Variants in SEZ6L observed in about 807,000 individuals in gnomAD.
The protein encoded by SEZ6L is seizure 6-like protein.
SEZ6L carries 37 observed loss-of-function variants against 106.2 expected under a neutral mutation model. That is an observed-to-expected ratio of 0.35 (90% CI 0.27 to 0.46). The LOEUF is 0.46. Among genes scored for constraint, SEZ6L ranks in the 20% least tolerant of loss-of-function variants. The probability of loss-of-function intolerance (pLI) is 1.00; values close to 1 mark genes in which losing one functional copy is unlikely to be tolerated. For synonymous variants in SEZ6L, 541 were observed against 570.4 expected (o/e 0.95, Z 0.73); for missense variants, 1,172 against 1,332.8 (o/e 0.88, Z 1.88).
At chr22:26,284,604 C>CA (rs137198) in intron 1 of SEZ6L, among the ~76,000 whole-genome samples, 7,168 of 63,836 alleles carry the variant, frequency 0.11, 1,334 homozygotes, top group East Asian at 0.4. Flanking sequence ...ATCAGGACTC[C>CA]AAAAAAAAAA....
At chr22:26,317,996 A>G (rs975003499) in intron 9 of SEZ6L, among the ~76,000 whole-genome samples, 1 of 152,118 alleles carries the variant, frequency 6.6e-6, no homozygotes, top group African/African-American at 2.4e-5. Context: ...TATGGAGGGG[A>G]GGGGTCTGCG....
chr22:26,379,993 C>G (rs757437833), intron 16 of SEZ6L, among the ~76,000 whole-genome samples: 14 of 152,196 alleles, frequency 9.2e-5, no homozygotes, highest in Non-Finnish European at 1.8e-4. Flanking sequence ...CTTCATTTTC[C>G]TGAAGAGACT....
At chr22:26,346,272 G>A (rs1360642555) in intron 10 of SEZ6L, among the ~76,000 whole-genome samples, 1 of 152,052 alleles carries the variant, frequency 6.6e-6, no homozygotes, top group East Asian at 1.9e-4. Flanking sequence ...CAACTCCTGG[G>A]CTCAAGCAAT....
intron 9 of SEZ6L, among the ~76,000 whole-genome samples, chr22:26,320,327 A>G (rs138299614): frequency 3.9e-5 from 6 of 152,144 alleles, no homozygotes; most frequent in Non-Finnish European, 8.8e-5. Flanking sequence ...GCAGAAAGTG[A>G]TGACGGAACC....
intron 1 of SEZ6L, among the ~76,000 whole-genome samples, chr22:26,185,724 C>T (rs1410514532): frequency 6.6e-6 from 1 of 152,116 alleles, no homozygotes; most frequent in Non-Finnish European, 1.5e-5. Context: ...CACATGATCT[C>T]ATTTAAGCCA....
intron 11 of SEZ6L, among the ~76,000 whole-genome samples, chr22:26,350,230 T>TA (rs1294201857): frequency 8.4e-4 from 122 of 144,770 alleles, no homozygotes; most frequent in African/African-American, 2.8e-3. Flanking sequence ...ATATATATAT[T>TA]TATATGTATT....
At chr22:26,209,337 T>C (rs1490253603) in intron 1 of SEZ6L, among the ~76,000 whole-genome samples, 1 of 152,216 alleles carries the variant, frequency 6.6e-6, no homozygotes, top group Non-Finnish European at 1.5e-5. Context: ...GCCAATACTT[T>C]ATTGTAGAAA....
chr22:26,347,753 C>G lies in SEZ6L; in HGVS notation c.2247C>G (p.Pro749=). ...VSRNDSCSDL[P]EIQNGWKTTS... is the part of the protein sequence containing the mutation. The stretch of plus-strand genomic sequence containing the variant: ...GGAATGACTCCTGCTCGGATTTACC[C>G]GAGATCCAGAATGGCTGGAAAACCA... The change falls in exon 11 of 17, where the codon CCC becomes CCG. Residue 749 remains proline (P), a synonymous_variant. Coordinates refer to ENST00000248933, the MANE Select transcript of SEZ6L (RefSeq NM_021115.5). 6.2e-7 allele frequency: 1 copy of G among 1,609,524 alleles called. No individual in the cohort carries two copies. Among genetic ancestry groups the G allele is most frequent in the Non-Finnish European group, 8.5e-7 (1 of 1,178,390 alleles).
chr22:26,324,931 T>C (rs1196200638), intron 9 of SEZ6L, among the ~76,000 whole-genome samples: 1 of 152,186 alleles, frequency 6.6e-6, no homozygotes, highest in East Asian at 1.9e-4. Flanking sequence ...ATCAGCGTTG[T>C]GCTTCTGGTC....
chr22:26,243,868 A>AAAT (rs2079226963), intron 1 of SEZ6L, among the ~76,000 whole-genome samples: 1 of 151,658 alleles, frequency 6.6e-6, no homozygotes, highest in Admixed American at 6.6e-5. Flanking sequence ...AAGAGAAGAA[A>AAAT]GATGAGCAGG....
intron 4 of SEZ6L, 88 bp from the exon 5 acceptor site, chr22:26,298,896 C>A: frequency 7.5e-7 from 1 of 1,327,204 alleles, no homozygotes; most frequent in Non-Finnish European, 1.0e-6. Flanking sequence ...CTTCTCTCCC[C>A]AGCACAAACT....
rs1463058781 is a variant in SEZ6L, at chr22:26,292,491, G to A, written c.180G>A (p.Glu60=). The A allele has an allele frequency of 6.2e-7, 1 of 1,613,992 alleles. No individual in the cohort carries two copies. Among genetic ancestry groups the A allele is most frequent in the Non-Finnish European group, 8.5e-7 (1 of 1,179,946 alleles). ...CGGAGAGAGGCAGTCCTGGCAAAGAGCACCCTGAAGAGAGAGTGGTAACAG... is the reference window on the plus strand; with the variant it reads ...CGGAGAGAGGCAGTCCTGGCAAAGAACACCCTGAAGAGAGAGTGGTAACAG... ...GAPERGSPGK[E]HPEERVVTAP... Residue 60 remains glutamate, a synonymous_variant, in exon 2 of 17, where the codon GAG becomes GAA. Transcript: ENST00000248933.
intron 9 of SEZ6L, among the ~76,000 whole-genome samples, chr22:26,339,835 G>T (rs1401932491): frequency 1.3e-5 from 2 of 152,190 alleles, no homozygotes; most frequent in Non-Finnish European, 1.5e-5. Flanking sequence ...CCTAAGAAAT[G>T]GTTGCCAATA....
At chr22:26,244,939 T>A (rs1325570792) in intron 1 of SEZ6L, among the ~76,000 whole-genome samples, 1 of 152,132 alleles carries the variant, frequency 6.6e-6, no homozygotes, top group Non-Finnish European at 1.5e-5. Flanking sequence ...CCTTCAGCAA[T>A]GGGGAGCCAC....
chr22:26,253,641 G>A (rs923813711), intron 1 of SEZ6L, among the ~76,000 whole-genome samples: 58 of 152,222 alleles, frequency 3.8e-4, no homozygotes, highest in Admixed American at 3.1e-3. Flanking sequence ...TCATTAGTGC[G>A]TTATTATTTA....
intron 13 of SEZ6L, among the ~76,000 whole-genome samples, chr22:26,370,697 GA>G (rs111967410): frequency 0.21 from 30,427 of 142,172 alleles, 3,529 homozygotes; most frequent in African/African-American, 0.32. Context: ...TTGTTTTACA[GA>G]AAAAAAAAAA....
intron 11 of SEZ6L, among the ~76,000 whole-genome samples, chr22:26,348,732 G>A (rs1207949622): frequency 3.9e-5 from 1 of 25,422 alleles, no homozygotes; most frequent in Non-Finnish European, 8.7e-5. Flanking sequence ...AGGGAAGGGA[G>A]GGAAGGGAAG....
At chr22:26,300,725 G>A (rs927197977) in intron 5 of SEZ6L, among the ~76,000 whole-genome samples, 13 of 152,290 alleles carry the variant, frequency 8.5e-5, no homozygotes, top group African/African-American at 1.4e-4. Context: ...CTGAGGAATC[G>A]CCACACTGAC....
chr22:26,189,992 G>C (rs1253564509), intron 1 of SEZ6L, among the ~76,000 whole-genome samples: 1 of 152,006 alleles, frequency 6.6e-6, no homozygotes, highest in Non-Finnish European at 1.5e-5. Context: ...AGTTACTCGG[G>C]AGGCTGAGGC....
Sources: allele counts gnomAD v4.1 joint callset (sites outside exome capture counted in the v4.1 genomes callset), GRCh38; gene constraint gnomAD v4.1.1; transcripts MANE v1.5; gene names NCBI Gene and HGNC (gene_info 2026-07-23, HGNC 2026-07-21).